RNF217: variants seen among roughly 807,000 people sequenced by gnomAD.
RNF217 encodes the protein ring finger protein 217.
Under a neutral mutation model 57.8 loss-of-function variants are expected in RNF217, and 31 were observed. The observed-to-expected ratio is 0.54, with a 90% confidence interval of 0.40 to 0.72. The LOEUF (loss-of-function observed/expected upper bound fraction) is 0.72. Ranked by LOEUF, RNF217 falls within the 30% of genes least tolerant of loss-of-function variation. The pLI is 0.00. For synonymous variants in RNF217, 313 were observed against 294.0 expected (o/e 1.06, Z -0.66); for missense variants, 696 against 708.3 (o/e 0.98, Z 0.20).
intron 2 of RNF217, chr6:125,046,642 T>G (rs1334650205): frequency 2.2e-6 from 1 of 456,016 alleles, no homozygotes; most frequent in Non-Finnish European, 4.4e-6. Flanking sequence ...AAAGGCTGTT[T>G]GGAGTCATCT....
At chr6:124,987,629 G>GT (rs1365042972) in intron 1 of RNF217, among the ~76,000 whole-genome samples, 1 of 151,964 alleles carries the variant, frequency 6.6e-6, no homozygotes, top group African/African-American at 2.4e-5. Flanking sequence ...CTTGCTTCTT[G>GT]TTTTTTTAAA....
intron 1 of RNF217, among the ~76,000 whole-genome samples, chr6:124,969,651 C>A (rs752188021): frequency 2.6e-5 from 4 of 152,114 alleles, no homozygotes; most frequent in Non-Finnish European, 5.9e-5. Flanking sequence ...GTATTAAATA[C>A]TTATTACATA....
intron 1 of RNF217, among the ~76,000 whole-genome samples, chr6:125,008,223 T>A (rs1379551746): frequency 2.6e-5 from 4 of 151,242 alleles, no homozygotes; most frequent in African/African-American, 9.8e-5. Context: ...ACCACTGCAC[T>A]CCAGCCTGGG....
At chr6:125,005,111 G>A (rs958500373) in intron 1 of RNF217, among the ~76,000 whole-genome samples, 7 of 152,242 alleles carry the variant, frequency 4.6e-5, no homozygotes, top group East Asian at 3.9e-4. Context: ...CATAACCCTC[G>A]TGACCTAAAC....
At chr6:125,047,825 G>A (rs565571460) in intron 2 of RNF217, among the ~76,000 whole-genome samples, 14 of 152,132 alleles carry the variant, frequency 9.2e-5, no homozygotes, top group South Asian at 4.2e-4. Context: ...GATCCTCAGC[G>A]GTGGGTGTGG....
At position 125,016,388 on chromosome 6, in the gene RNF217, T is replaced by G. The variant is rs140487823; in HGVS notation, c.883-28823T>G. Among the ~76,000 whole-genome samples the G allele has an allele frequency of 2.0e-3, 302 of 152,290 alleles. 1 individual carries two copies. The highest frequency in any genetic ancestry group is 7.0e-3 in the African/African-American group (293 of 41,576). The stretch of plus-strand genomic sequence containing the variant: ...TTAAAAAGGTGGGATATACTAAAGC[T>G]GTGTTTTGAATTGAGCCATGACTCT... On this transcript the variant is annotated intron_variant, in intron 1 of 5. Coordinates refer to ENST00000521654, the MANE Select transcript of RNF217 (RefSeq NM_001286398.3).
intron 4 of RNF217, among the ~76,000 whole-genome samples, chr6:125,079,130 G>A (rs571287241): frequency 5.9e-5 from 9 of 152,234 alleles, no homozygotes; most frequent in South Asian, 2.1e-4. Flanking sequence ...GTGTAACCAC[G>A]TGCTCAGCTA....
chr6:125,019,835 G>GT (rs993727332), intron 1 of RNF217, among the ~76,000 whole-genome samples: 3 of 150,382 alleles, frequency 2.0e-5, no homozygotes, highest in Admixed American at 2.0e-4. Flanking sequence ...TTTTGCAGTG[G>GT]GGGGGGAGTG....
chr6:125,081,963 G>A (rs1423775914), intron 5 of RNF217, among the ~76,000 whole-genome samples: 2 of 152,014 alleles, frequency 1.3e-5, no homozygotes, highest in Admixed American at 6.6e-5. Context: ...ATACACTTGA[G>A]CACTGACAAA....
chr6:124,975,537 C>T (rs1783924697), intron 1 of RNF217, among the ~76,000 whole-genome samples: 1 of 152,126 alleles, frequency 6.6e-6, no homozygotes, highest in Admixed American at 6.5e-5. Flanking sequence ...CTTAAGCAAT[C>T]CTCCCACCTC....
At chr6:125,052,879 G>C (rs967429334) in intron 2 of RNF217, among the ~76,000 whole-genome samples, 1 of 152,056 alleles carries the variant, frequency 6.6e-6, no homozygotes, top group African/African-American at 2.4e-5. Context: ...CCTATGCAGA[G>C]TTTCTGGACC....
intron 1 of RNF217, among the ~76,000 whole-genome samples, chr6:125,033,129 G>A (rs371518887): frequency 6.6e-6 from 1 of 150,820 alleles, no homozygotes; most frequent in East Asian, 1.9e-4. Flanking sequence ...TATATCCAAG[G>A]CCATATAATT....
At chr6:124,997,382 A>G (rs777587070) in intron 1 of RNF217, among the ~76,000 whole-genome samples, 22 of 152,236 alleles carry the variant, frequency 1.4e-4, no homozygotes, top group Non-Finnish European at 2.6e-4. Flanking sequence ...CCTGGAAATC[A>G]TTCCTACCCT....
At chr6:125,052,284 TTGTGTGTGTGTGTGTG>T (rs368469313) in intron 2 of RNF217, among the ~76,000 whole-genome samples, 10 of 143,132 alleles carry the variant, frequency 7.0e-5, no homozygotes, top group Non-Finnish European at 1.4e-4. Context: ...GTCATGCGTT[TTGTGTGTGTGTGTGTG>T]TGTGTGTGTG....
intron 1 of RNF217, among the ~76,000 whole-genome samples, chr6:125,015,395 C>A (rs917680880): frequency 2.0e-5 from 3 of 151,786 alleles, no homozygotes; most frequent in African/African-American, 7.3e-5. Flanking sequence ...TCAGAAATGC[C>A]CACAAACAAA....
At chr6:125,033,234 T>C (rs1453361430) in intron 1 of RNF217, among the ~76,000 whole-genome samples, 2 of 151,306 alleles carry the variant, frequency 1.3e-5, no homozygotes, top group Admixed American at 6.6e-5. Context: ...AGGGTACATG[T>C]GCACAATGTG....
intron 1 of RNF217, among the ~76,000 whole-genome samples, chr6:125,025,572 A>C (rs1360971926): frequency 1.5e-5 from 2 of 132,976 alleles, no homozygotes; most frequent in African/African-American, 3.2e-5. Context: ...GGAAGAAAAG[A>C]AGGAAGGGAG....
In RNF217 at chr6:124,966,297, C is replaced by G. The variant is rs539943457; in HGVS notation, c.882+2871C>G. Among the ~76,000 whole-genome samples, 6 of 152,280 alleles carry G rather than the reference C, an allele frequency of 3.9e-5. No individual in the cohort carries two copies. In the East Asian group the frequency reaches 1.2e-3, roughly 29 times the overall value. ...TCTCTGTCACTTAACCTCTCTATGC[C>G]TTAATTTCCTCATCAATGAAATGTA... On this transcript the variant is annotated intron_variant, in intron 1 of 5. Transcript: ENST00000521654.
intron 2 of RNF217, chr6:125,046,625 T>A (rs770671109): frequency 2.2e-6 from 1 of 455,918 alleles, no homozygotes; most frequent in South Asian, 1.5e-5. Context: ...CAGGATGAAG[T>A]GGTTTCAAAG....
Sources: gnomAD v4.1 joint callset for allele counts (sites outside exome capture counted in the v4.1 genomes callset) on GRCh38, gnomAD v4.1.1 for gene constraint, MANE v1.5 for transcripts, NCBI Gene and HGNC (gene_info 2026-07-23, HGNC 2026-07-21) for gene names.